The following SERTM1 variants were observed in gnomAD, a reference collection of about 807,000 sequenced individuals.
The protein encoded by SERTM1 is serine-rich and transmembrane domain-containing protein 1.
SERTM1 carries 1 observed loss-of-function variant against 5.5 expected under a neutral mutation model. The ratio of observed to expected loss-of-function variants is 0.18; its 90% CI spans 0.06 to 0.86. The LOEUF (loss-of-function observed/expected upper bound fraction) is 0.86, where lower values mean the gene tolerates loss of function less well. Ranked by LOEUF, SERTM1 falls within the 40% of genes least tolerant of loss-of-function variation. The pLI is 0.69. For missense variants in SERTM1, 91 were observed against 122.4 expected (o/e 0.74, Z 1.21); for synonymous variants, 52 against 55.1 (o/e 0.94, Z 0.25).
At chr13:36,677,207 CT>C (rs1467166765) in intron 1 of SERTM1, among the ~76,000 whole-genome samples, 2 of 152,046 alleles carry the variant, frequency 1.3e-5, no homozygotes, top group Admixed American at 1.3e-4. Context: ...CCTTTACTAA[CT>C]TTGGAAATTT....
Position 36,697,228 on chromosome 13 carries a change from T to G in SERTM1, c.*1826T>G, listed in dbSNP as rs2056820330. 1 of 166,194 alleles carries G rather than the reference T, an allele frequency of 6.0e-6. No homozygotes were observed. The highest frequency in any genetic ancestry group is 1.5e-5 in the Non-Finnish European group (1 of 67,976). 10.3% of individuals were successfully genotyped at this position (166,194 alleles called of 1,614,324 possible). A position where few individuals can be genotyped will look rare whatever the true frequency, so the allele number is the denominator to read the frequency against. On this transcript the variant is annotated 3_prime_UTR_variant, in exon 2 of 2. Coordinates refer to ENST00000315190, the MANE Select transcript of SERTM1 (RefSeq NM_203451.3). ...TATGTAGTATAAAAACTGGACTAGA[T>G]AAACTGCTATTTTAGAGCATTATTA...
At chr13:36,677,541 A>C (rs1459449815) in intron 1 of SERTM1, among the ~76,000 whole-genome samples, 1 of 152,234 alleles carries the variant, frequency 6.6e-6, no homozygotes, top group Non-Finnish European at 1.5e-5. Flanking sequence ...GGGTCACTTA[A>C]GAAGGTAACA....
chr13:36,678,944 T>G (rs2056686650), intron 1 of SERTM1, among the ~76,000 whole-genome samples: 1 of 152,034 alleles, frequency 6.6e-6, no homozygotes, highest in Non-Finnish European at 1.5e-5. Context: ...AGCATTCAAA[T>G]AGTTCATGCA....
intron 1 of SERTM1, among the ~76,000 whole-genome samples, chr13:36,678,696 A>ATATATATATATATAT (rs1566226327): frequency 1.3e-4 from 15 of 118,560 alleles, no homozygotes; most frequent in African/African-American, 4.4e-4. Context: ...TATATATATA[A>ATATATATATATATAT]AATATAGTCC....
At chr13:36,686,005 C>CT (rs1322293198) in intron 1 of SERTM1, among the ~76,000 whole-genome samples, 2 of 152,132 alleles carry the variant, frequency 1.3e-5, no homozygotes, top group African/African-American at 4.8e-5. Flanking sequence ...GAGAGATATC[C>CT]TTGGCTGCCT....
At chr13:36,680,032 C>G (rs538004404) in intron 1 of SERTM1, among the ~76,000 whole-genome samples, 220 of 152,266 alleles carry the variant, frequency 1.4e-3, no homozygotes, top group African/African-American at 4.8e-3. Flanking sequence ...AGGCTTGAGT[C>G]CCATCCCCAA....
chr13:36,695,498 T>C lies in SERTM1; in HGVS notation c.*96T>C. 1.1e-6 allele frequency: 1 copy of C among 870,758 alleles called. No homozygotes were observed. Among genetic ancestry groups the C allele is most frequent in the Non-Finnish European group, 1.8e-6 (1 of 548,734 alleles). 53.9% of individuals were successfully genotyped at this position (870,758 alleles called of 1,614,324 possible). On this transcript the variant is annotated 3_prime_UTR_variant, in exon 2 of 2. Coordinates refer to ENST00000315190, the MANE Select transcript of SERTM1 (RefSeq NM_203451.3). ...TGCCTCATGAAAGAAATGATCCTTT[T>C]GGTGTAGACCTGCTTCTCCTTCTCC... is the stretch of plus-strand genomic sequence containing the variant.
intron 1 of SERTM1, among the ~76,000 whole-genome samples, chr13:36,691,354 G>A (rs1386279729): frequency 1.3e-5 from 2 of 152,178 alleles, no homozygotes; most frequent in Admixed American, 1.3e-4. Context: ...CTGGGAACCA[G>A]AGACCCCAGG....
At position 36,697,312 on chromosome 13, in the gene SERTM1, A is replaced by AATATATATATATATATAT. The variant is rs57478418; in HGVS notation, c.*1918_*1935dup. 1.6e-4 allele frequency: 23 copies of AATATATATATATATATAT among 143,820 alleles called. No individual in the cohort carries two copies. The highest frequency in any genetic ancestry group is 6.4e-4 in the African/African-American group (23 of 36,206). The allele number at this position is 143,820 out of a possible 1,614,324, so 8.9% of individuals were successfully genotyped here. A position where few individuals can be genotyped will look rare whatever the true frequency, so the allele number is the denominator to read the frequency against. On this transcript the variant is annotated 3_prime_UTR_variant, in exon 2 of 2. Transcript: ENST00000315190. ...ATACGCACACACACACACACACATA[A>AATATATATATATATATAT]ATATATATATATATATATATATATA... is the stretch of plus-strand genomic sequence containing the variant.
chr13:36,689,401 A>G (rs2056763091), intron 1 of SERTM1, among the ~76,000 whole-genome samples: 1 of 151,644 alleles, frequency 6.6e-6, no homozygotes, highest in Admixed American at 6.6e-5. Flanking sequence ...GCTACTAGGG[A>G]GGCTGAGGCG....
chr13:36,679,316 T>C (rs550642981), intron 1 of SERTM1, among the ~76,000 whole-genome samples: 1 of 152,210 alleles, frequency 6.6e-6, no homozygotes. Flanking sequence ...CTGTTTGTTG[T>C]TGGTGTTGTT....
At chr13:36,681,409 T>G (rs2056704350) in intron 1 of SERTM1, among the ~76,000 whole-genome samples, 1 of 152,232 alleles carries the variant, frequency 6.6e-6, no homozygotes, top group Admixed American at 6.5e-5. Flanking sequence ...AGTAGCACTT[T>G]GTAGTCAAAT....
At chr13:36,679,699 A>G (rs1419030875) in intron 1 of SERTM1, among the ~76,000 whole-genome samples, 2 of 152,062 alleles carry the variant, frequency 1.3e-5, no homozygotes, top group Non-Finnish European at 2.9e-5. Flanking sequence ...GACCCACCGC[A>G]CCTGACCTGC....
At chr13:36,674,617 C>T (rs1484217391) in intron 1 of SERTM1, among the ~76,000 whole-genome samples, 1 of 152,082 alleles carries the variant, frequency 6.6e-6, no homozygotes, top group Non-Finnish European at 1.5e-5. Context: ...CTTCTGTTTG[C>T]TTTTGCCTTT....
At position 36,696,284 on chromosome 13, in the gene SERTM1, C is replaced by T. The variant is rs967147841; in HGVS notation, c.*882C>T. The T allele has an allele frequency of 6.6e-5, 11 of 166,740 alleles. No individual in the cohort carries two copies. Among genetic ancestry groups the T allele is most frequent in the Non-Finnish European group, 1.5e-4 (10 of 68,118 alleles). The allele number at this position is 166,740 out of a possible 1,614,324, so 10.3% of individuals were successfully genotyped here. A position where few individuals can be genotyped will look rare whatever the true frequency, so the allele number is the denominator to read the frequency against. On this transcript the variant is annotated 3_prime_UTR_variant, in exon 2 of 2. Transcript: ENST00000315190. Reference sequence around the variant, plus strand: ...TTATACAGTAATAACTCTTAGCTGTCGTGTAAGTTCCTTTATTCGGTTTCA... The same window carrying T: ...TTATACAGTAATAACTCTTAGCTGTTGTGTAAGTTCCTTTATTCGGTTTCA...
In SERTM1 at chr13:36,696,721, A is replaced by T. The variant is rs986812829; in HGVS notation, c.*1319A>T. ...CAAAACAATCAAACTGCAGCTCCTTAAGAGTAAGAATTTTAATTTAATTTT... is the reference window on the plus strand; with the variant it reads ...CAAAACAATCAAACTGCAGCTCCTTTAGAGTAAGAATTTTAATTTAATTTT... On this transcript the variant is annotated 3_prime_UTR_variant, in exon 2 of 2. Transcript: ENST00000315190. 1.2e-5 allele frequency: 2 copies of T among 167,010 alleles called. No individual in the cohort carries two copies. Among genetic ancestry groups the T allele is most frequent in the African/African-American group, 4.8e-5 (2 of 41,446 alleles). 10.3% of individuals were successfully genotyped at this position (167,010 alleles called of 1,614,324 possible).
chr13:36,675,662 G>A (rs922826078), intron 1 of SERTM1, among the ~76,000 whole-genome samples: 1 of 151,824 alleles, frequency 6.6e-6, no homozygotes, highest in Non-Finnish European at 1.5e-5. Context: ...CTTTTCCCCC[G>A]CCACCACCAC....
chr13:36,684,923 G>A (rs1002402199), intron 1 of SERTM1, among the ~76,000 whole-genome samples: 1 of 152,218 alleles, frequency 6.6e-6, no homozygotes, highest in Admixed American at 6.5e-5. Flanking sequence ...ATCTTCTATA[G>A]GTCACTACTT....
chr13:36,695,276 C>A lies in SERTM1; in HGVS notation c.198C>A (p.Leu66=). ...TTTTAATCATTGCCCTCCAGAGGCT[C>A]AAAAATATCATCTCCTCCAGTTCCT... ...LLLLIIALQR[L]KNIISSSSSY... is the part of the protein sequence containing the mutation. The change falls in exon 2 of 2, where the codon CTC becomes CTA. Residue 66 remains leucine (L), a synonymous_variant. Transcript: ENST00000315190. The A allele has an allele frequency of 6.2e-7, 1 of 1,614,082 alleles. No homozygotes were observed. The highest frequency in any genetic ancestry group is 8.5e-7 in the Non-Finnish European group (1 of 1,179,960).
Sources: allele counts gnomAD v4.1 joint callset (sites outside exome capture counted in the v4.1 genomes callset), GRCh38; gene constraint gnomAD v4.1.1; transcripts MANE v1.5; gene names NCBI Gene and HGNC (gene_info 2026-07-23, HGNC 2026-07-21).